The following NRG3 variants were observed in gnomAD, a reference collection of about 807,000 sequenced individuals.
The protein encoded by NRG3 is neuregulin 3, also known as pro-neuregulin-3, membrane-bound isoform.
Under a neutral mutation model 66.9 loss-of-function variants are expected in NRG3, and 31 were observed. That is an observed-to-expected ratio of 0.46 (90% CI 0.35 to 0.63). The LOEUF is 0.63. Ranked by LOEUF, NRG3 falls within the 20% of genes least tolerant of loss-of-function variation. The probability of loss-of-function intolerance (pLI) is 0.00; values close to 1 mark genes in which losing one functional copy is unlikely to be tolerated. For synonymous variants in NRG3, 393 were observed against 359.4 expected (o/e 1.09, Z -1.06); for missense variants, 910 against 878.9 (o/e 1.04, Z -0.45).
intron 3 of NRG3, among the ~76,000 whole-genome samples, chr10:82,853,518 AG>A (rs937414492): frequency 5.3e-5 from 8 of 152,052 alleles, no homozygotes; most frequent in African/African-American, 1.7e-4. Flanking sequence ...CTCCTTGGTT[AG>A]GTATATTCCT....
chr10:82,463,601 C>T (rs1270029061), intron 2 of NRG3, among the ~76,000 whole-genome samples: 1 of 152,180 alleles, frequency 6.6e-6, no homozygotes, highest in Non-Finnish European at 1.5e-5. Context: ...AAGGAGCTAA[C>T]TAACATTAAC....
At chr10:82,541,634 C>T (rs2043548497) in intron 2 of NRG3, among the ~76,000 whole-genome samples, 1 of 152,144 alleles carries the variant, frequency 6.6e-6, no homozygotes, top group Admixed American at 6.5e-5. Flanking sequence ...GTCAGGGGTC[C>T]ATCTTTAACT....
intron 2 of NRG3, among the ~76,000 whole-genome samples, chr10:82,641,318 T>G (rs765133292): frequency 3.9e-5 from 6 of 152,212 alleles, no homozygotes; most frequent in Non-Finnish European, 8.8e-5. Flanking sequence ...TGTGCGCTTG[T>G]GTATGTCTGT....
chr10:81,947,400 A>G (rs1357217650), intron 1 of NRG3, among the ~76,000 whole-genome samples: 1 of 152,028 alleles, frequency 6.6e-6, no homozygotes, highest in East Asian at 1.9e-4. Flanking sequence ...ACACAATTCA[A>G]CTCACAACAG....
At position 82,812,879 on chromosome 10, in the gene NRG3, A is replaced by G. The variant is rs550795378; in HGVS notation, c.1028-52532A>G. On this transcript the variant is annotated intron_variant, in intron 3 of 8. Transcript: ENST00000372141. ...TGTTTATTTCAAAGAAGATAACCAG[A>G]CAAAATTTGAATTTCTCCTCTGCAA... is the stretch of plus-strand genomic sequence containing the variant. 3.0e-4 allele frequency among the ~76,000 whole-genome samples: 45 copies of G among 152,374 alleles called. 1 individual carries two copies. In the South Asian group the frequency reaches 9.3e-3, roughly 32 times the overall value.
chr10:82,479,951 G>A (rs1225631971), intron 2 of NRG3, among the ~76,000 whole-genome samples: 1 of 152,204 alleles, frequency 6.6e-6, no homozygotes, highest in African/African-American at 2.4e-5. Context: ...CTGGGCTACA[G>A]AGCGAGACTG....
intron 2 of NRG3, among the ~76,000 whole-genome samples, chr10:82,721,107 G>T (rs2134506414): frequency 3.0e-5 from 4 of 132,750 alleles, no homozygotes; most frequent in African/African-American, 5.6e-5. Flanking sequence ...TATTTATTTT[G>T]AAACAGAGTT....
intron 2 of NRG3, among the ~76,000 whole-genome samples, chr10:82,687,401 TATATCAATAGGTCAA>T (rs1337921775): frequency 6.6e-6 from 1 of 152,184 alleles, no homozygotes; most frequent in African/African-American, 2.4e-5. Context: ...CCATCAGGAA[TATATCAATAGGTCAA>T]ATCGTTTTAG....
At chr10:82,095,440 A>T (rs181319122) in intron 1 of NRG3, among the ~76,000 whole-genome samples, 1 of 152,334 alleles carries the variant, frequency 6.6e-6, no homozygotes, top group East Asian at 1.9e-4. Context: ...GCATCAGCTA[A>T]ATCAAGAAGG....
intron 2 of NRG3, among the ~76,000 whole-genome samples, chr10:82,717,102 G>A (rs78831213): frequency 0.011 from 1,683 of 152,058 alleles, 33 homozygotes; most frequent in African/African-American, 0.031. Flanking sequence ...CAAAGACACC[G>A]AATGATAGAG....
intron 2 of NRG3, among the ~76,000 whole-genome samples, chr10:82,699,010 T>G (rs1349728387): frequency 6.6e-6 from 1 of 152,156 alleles, no homozygotes; most frequent in Non-Finnish European, 1.5e-5. Flanking sequence ...CATATAACCT[T>G]GTAATGTCTT....
intron 4 of NRG3, among the ~76,000 whole-genome samples, chr10:82,894,204 A>G (rs1323017615): frequency 1.3e-5 from 2 of 152,252 alleles, no homozygotes; most frequent in Non-Finnish European, 2.9e-5. Context: ...AGGAGATAAT[A>G]TCACTTGATC....
At position 82,170,844 on chromosome 10, in the gene NRG3, C is replaced by T. The variant is rs370677854; in HGVS notation, c.824-187895C>T. Among the ~76,000 whole-genome samples the T allele has an allele frequency of 6.0e-5, 9 of 150,242 alleles. No homozygotes were observed. The East Asian group carries it at 1.8e-3, about 29-fold the overall frequency. ...TTTCCATATTTTTCTTTTTCTCACCCCCAATTGATATTCCAATCAGAAGGT... is the reference window on the plus strand; with the variant it reads ...TTTCCATATTTTTCTTTTTCTCACCTCCAATTGATATTCCAATCAGAAGGT... On this transcript the variant is annotated intron_variant, in intron 1 of 8. Transcript: ENST00000372141.
chr10:82,037,138 A>G (rs538357685), intron 1 of NRG3, among the ~76,000 whole-genome samples: 83 of 152,130 alleles, frequency 5.5e-4, no homozygotes, highest in Admixed American at 5.2e-3. Context: ...TCCCTCCCCA[A>G]AGCAGATCAC....
chr10:82,267,434 G>A (rs1320659955), intron 1 of NRG3, among the ~76,000 whole-genome samples: 1 of 152,140 alleles, frequency 6.6e-6, no homozygotes, highest in Non-Finnish European at 1.5e-5. Context: ...TCTCAAGAAA[G>A]GAAAGCTTCC....
At chr10:82,796,401 C>T (rs2060803374) in intron 3 of NRG3, among the ~76,000 whole-genome samples, 2 of 152,232 alleles carry the variant, frequency 1.3e-5, no homozygotes, top group African/African-American at 2.4e-5. Flanking sequence ...TGGGAGAGAA[C>T]GAGGACTCTG....
At chr10:82,228,239 G>A (rs1260565514) in intron 1 of NRG3, among the ~76,000 whole-genome samples, 1 of 152,134 alleles carries the variant, frequency 6.6e-6, no homozygotes, top group African/African-American at 2.4e-5. Context: ...GATAGTATGA[G>A]TATATATAAA....
intron 1 of NRG3, among the ~76,000 whole-genome samples, chr10:81,933,097 C>A (rs1437961324): frequency 1.4e-5 from 2 of 140,152 alleles, no homozygotes; most frequent in African/African-American, 5.5e-5. Flanking sequence ...AACAGAGCAA[C>A]GCTCCATCTC....
intron 2 of NRG3, among the ~76,000 whole-genome samples, chr10:82,732,085 C>G (rs554359795): frequency 6.6e-6 from 1 of 152,120 alleles, no homozygotes; most frequent in Admixed American, 6.5e-5. Context: ...TTCAAAACAT[C>G]ATGTTTTAAA....
Sources: allele counts gnomAD v4.1 joint callset (sites outside exome capture counted in the v4.1 genomes callset), GRCh38; gene constraint gnomAD v4.1.1; transcripts MANE v1.5; gene names NCBI Gene and HGNC (gene_info 2026-07-23, HGNC 2026-07-21).